The following CISD1 variants were observed in gnomAD, a reference collection of about 807,000 sequenced individuals.
CISD1 encodes CDGSH iron sulfur domain 1.
In CISD1, 8 loss-of-function variants were observed where a neutral mutation model predicts 12.0. The observed-to-expected ratio is 0.67, with a 90% CI of 0.39 to 1.20. The LOEUF (loss-of-function observed/expected upper bound fraction) is 1.20, where lower values mean the gene tolerates loss of function less well. CISD1 is among the 50% of genes most tolerant of loss of function. The pLI, the probability that CISD1 is intolerant of heterozygous loss-of-function variation, is 0.01. For synonymous variants in CISD1, 38 were observed against 42.2 expected (o/e 0.90, Z 0.39); for missense variants, 107 against 132.7 (o/e 0.81, Z 0.95).
At chr10:58,287,430 G>A in intron 2 of CISD1, 131 bp from the exon 3 acceptor site, 1 of 548,194 alleles carries the variant, frequency 1.8e-6, no homozygotes, top group East Asian at 2.9e-5. Context: ...TACATATGCT[G>A]TTTAAGAAAG....
At chr10:58,279,631 G>T (rs1021266957) in intron 2 of CISD1, among the ~76,000 whole-genome samples, 3 of 152,074 alleles carry the variant, frequency 2.0e-5, no homozygotes, top group Non-Finnish European at 4.4e-5. Flanking sequence ...GTACTGGTGG[G>T]GTTACTAGAA....
chr10:58,280,221 G>T (rs1839359103), intron 2 of CISD1, among the ~76,000 whole-genome samples: 1 of 152,208 alleles, frequency 6.6e-6, no homozygotes, highest in East Asian at 1.9e-4. Context: ...TTGAGGACCA[G>T]TGTGAGGAGT....
At chr10:58,282,321 A>G (rs1457250997) in intron 2 of CISD1, among the ~76,000 whole-genome samples, 2 of 152,012 alleles carry the variant, frequency 1.3e-5, no homozygotes, top group Non-Finnish European at 2.9e-5. Flanking sequence ...TGGTTCCAGG[A>G]CCTCCCATGG....
rs1301335274 is a variant in CISD1 at position 58,277,228 on chromosome 10, A to G, written c.143A>G (p.His48Arg). The change falls in exon 2 of 3, where the codon CAC (histidine) becomes CGC (arginine). Residue 48 changes from histidine (H) to arginine (R), a missense_variant. His to Arg is a conservative substitution (Grantham distance 29). Transcript: ENST00000333926. ...DHRNKAMINL[H>R]IQKDNPKIVH... is the part of the protein sequence containing the mutation. ...CGAAATAAAGCTATGATAAACCTTC[A>G]CATCCAGAAAGACAACCCCAAGATA... 6.2e-7 allele frequency: 1 copy of G among 1,613,182 alleles called. No individual in the cohort carries two copies. The highest frequency in any genetic ancestry group is 1.3e-5 in the African/African-American group (1 of 74,890).
At position 58,269,437 on chromosome 10, in the gene CISD1, G is replaced by C. The variant is rs1274245437; in HGVS notation, c.31+133G>C. 6.4e-6 allele frequency: 5 copies of C among 779,160 alleles called. No homozygotes were observed. In the Admixed American group the frequency reaches 1.1e-4, roughly 17 times the overall value. The allele number at this position is 779,160 out of a possible 1,614,324, so 48.3% of individuals were successfully genotyped here. ...AACCTTGAGATGCAGAAGGGCAAGC[G>C]CTCGGCCCGGCTGCGGGCTCCGGGC... On this transcript the variant is annotated intron_variant, in intron 1 of 2. Transcript: ENST00000333926.
rs1011309266 is a variant in CISD1, at chr10:58,286,911, A to G, written c.238-650A>G. On this transcript the variant is annotated intron_variant, in intron 2 of 2. Coordinates refer to ENST00000333926, the MANE Select transcript of CISD1 (RefSeq NM_018464.5). ...AGATTTGGGAAAGACTGCTGCAAAAATAACAGAGGAATAATATGCAGTTGA... is the reference window on the plus strand; with the variant it reads ...AGATTTGGGAAAGACTGCTGCAAAAGTAACAGAGGAATAATATGCAGTTGA... Among the ~76,000 whole-genome samples the G allele has an allele frequency of 5.9e-5, 9 of 152,226 alleles. 1 individual carries two copies. In the South Asian group the frequency reaches 1.9e-3, roughly 32 times the overall value.
chr10:58,273,548 A>G (rs1392661962), intron 1 of CISD1: 1 of 152,090 alleles, frequency 6.6e-6, no homozygotes, highest in Non-Finnish European at 1.5e-5. Context: ...AAAGAAAAAA[A>G]AAAAGCTGAA....
chr10:58,281,740 T>C (rs1839375849), intron 2 of CISD1, among the ~76,000 whole-genome samples: 2 of 152,256 alleles, frequency 1.3e-5, no homozygotes, highest in Admixed American at 6.5e-5. Flanking sequence ...AAAAATGTTA[T>C]ATGCGATACA....
At chr10:58,278,071 T>C (rs1174864542) in intron 2 of CISD1, among the ~76,000 whole-genome samples, 3 of 152,182 alleles carry the variant, frequency 2.0e-5, no homozygotes, top group African/African-American at 7.2e-5. Context: ...CTTTTGGAGG[T>C]GTCATCTATG....
In CISD1 at chr10:58,289,339, C is replaced by G. The variant is rs1328753386; in HGVS notation, c.*1689C>G. The G allele has an allele frequency of 6.6e-6, 1 of 152,054 alleles. No individual in the cohort carries two copies. The highest frequency in any genetic ancestry group is 1.5e-5 in the Non-Finnish European group (1 of 67,920). The allele number at this position is 152,054 out of a possible 1,614,324, so 9.4% of individuals were successfully genotyped here. On this transcript the variant is annotated 3_prime_UTR_variant, in exon 3 of 3. Transcript: ENST00000333926. ...ATTTGAAATTATATTGTTAGTCATGCATTTTTGTAATGTCAGGGGGAACCT... is the reference window on the plus strand; with the variant it reads ...ATTTGAAATTATATTGTTAGTCATGGATTTTTGTAATGTCAGGGGGAACCT...
At chr10:58,271,707 G>A (rs1325746626) in intron 1 of CISD1, among the ~76,000 whole-genome samples, 3 of 152,088 alleles carry the variant, frequency 2.0e-5, no homozygotes, top group Non-Finnish European at 4.4e-5. Flanking sequence ...AAGTGTGTAC[G>A]TGTATGCAGA....
chr10:58,269,442 G>T, intron 1 of CISD1, 138 bp downstream of exon 1: 1 of 766,350 alleles, frequency 1.3e-6, no homozygotes, highest in Non-Finnish European at 2.1e-6. Context: ...CAAGCGCTCG[G>T]CCCGGCTGCG....
At chr10:58,282,406 T>G (rs1249456805) in intron 2 of CISD1, among the ~76,000 whole-genome samples, 3 of 152,222 alleles carry the variant, frequency 2.0e-5, no homozygotes, top group African/African-American at 7.2e-5. Context: ...CACATAATCC[T>G]GTATACTTTA....
intron 1 of CISD1, among the ~76,000 whole-genome samples, chr10:58,272,171 T>G (rs2790174): frequency 3.7e-4 from 56 of 151,196 alleles, no homozygotes; most frequent in Non-Finnish European, 7.4e-5. Context: ...AAATATTTAG[T>G]GCCTCATAAA....
At chr10:58,282,918 G>A (rs943209824) in intron 2 of CISD1, 1 of 152,168 alleles carries the variant, frequency 6.6e-6, no homozygotes, top group African/African-American at 2.4e-5. Context: ...ATCACTTGCT[G>A]AGTTGTATGA....
intron 2 of CISD1, among the ~76,000 whole-genome samples, chr10:58,285,514 C>T (rs1160659096): frequency 6.6e-6 from 1 of 152,026 alleles, no homozygotes; most frequent in African/African-American, 2.4e-5. Context: ...CAGTGAAACT[C>T]TAGATTCTAG....
At chr10:58,276,965 T>C (rs1014502043) in intron 1 of CISD1, 152 bp from the exon 2 acceptor site, 1 of 562,036 alleles carries the variant, frequency 1.8e-6, no homozygotes, top group Non-Finnish European at 3.2e-6. Context: ...AAAGGACTAT[T>C]ATACCAGTGT....
intron 1 of CISD1, among the ~76,000 whole-genome samples, chr10:58,271,121 G>C (rs1430868604): frequency 6.8e-6 from 1 of 147,372 alleles, no homozygotes; most frequent in African/African-American, 2.6e-5. Context: ...CTCACTGCAA[G>C]CTCCGCCTCC....
chr10:58,286,376 A>C (rs1357939125), intron 2 of CISD1, among the ~76,000 whole-genome samples: 1 of 152,160 alleles, frequency 6.6e-6, no homozygotes, highest in Non-Finnish European at 1.5e-5. Context: ...TTACGAATAA[A>C]GGTAATAATG....
Sources: gnomAD v4.1 joint callset for allele counts (sites outside exome capture counted in the v4.1 genomes callset) on GRCh38, gnomAD v4.1.1 for gene constraint, MANE v1.5 for transcripts, NCBI Gene and HGNC (gene_info 2026-07-23, HGNC 2026-07-21) for gene names.